The following CA12 variants were observed in gnomAD, a reference collection of about 807,000 sequenced individuals.
CA12 encodes carbonic anhydrase 12.
In CA12, 36 loss-of-function variants were observed where a neutral mutation model predicts 46.8. That is an observed-to-expected ratio of 0.77 (90% CI 0.59 to 1.02). The LOEUF (loss-of-function observed/expected upper bound fraction) is 1.02. CA12 is among the 50% of genes least tolerant of loss of function. CA12 has a pLI of 0.00. For missense variants in CA12, 436 were observed against 451.4 expected, an observed-to-expected ratio of 0.97 and a Z score of 0.31; for synonymous variants, 202 against 187.0, an observed-to-expected ratio of 1.08 and a Z score of -0.65.
In CA12 at chr15:63,324,314, C is replaced by G. The variant is rs1595771231; in HGVS notation, c.*1971G>C. ...TGCCAGGTACAATGGTCTCTCTGTTCTCTCACAAAACTCATCCACAAAAGA... is the reference window on the plus strand; with the variant it reads ...TGCCAGGTACAATGGTCTCTCTGTTGTCTCACAAAACTCATCCACAAAAGA... On this transcript the variant is annotated 3_prime_UTR_variant, in exon 11 of 11. Coordinates refer to ENST00000178638, the MANE Select transcript of CA12 (RefSeq NM_001218.5). 6.6e-6 allele frequency: 1 copy of G among 152,226 alleles called. No homozygotes were observed. Among genetic ancestry groups the G allele is most frequent in the Non-Finnish European group, 1.5e-5 (1 of 68,060 alleles). 9.4% of individuals were successfully genotyped at this position (152,226 alleles called of 1,614,324 possible). A position where few individuals can be genotyped will look rare whatever the true frequency, so the allele number is the denominator to read the frequency against.
intron 1 of CA12, 60 bp from the exon 2 acceptor site, chr15:63,375,738 C>A: frequency 7.6e-7 from 1 of 1,312,208 alleles, no homozygotes; most frequent in Non-Finnish European, 1.1e-6. Flanking sequence ...ATGGAAAACA[C>A]TACAGATTTT....
Position 63,381,703 on chromosome 15 carries a change from C to G in CA12, c.18G>C (p.Leu6=), listed in dbSNP as rs563633584. The stretch of plus-strand genomic sequence containing the variant: ...CCAGCAGGAGCACGGCCGCCGCGTG[C>G]AGGCTGCGCCGGGGCATCTTCGCGG... MPRRS[L]HAAAVLLLVI... is the part of the protein sequence containing the mutation. The change falls in exon 1 of 11, where the codon CTG becomes CTC. Residue 6 remains leucine, a synonymous_variant. Coordinates refer to ENST00000178638, the MANE Select transcript of CA12 (RefSeq NM_001218.5). The G allele has an allele frequency of 1.2e-5, 20 of 1,606,962 alleles. 1 individual carries two copies. In the South Asian group the frequency reaches 2.2e-4, roughly 18 times the overall value.
intron 8 of CA12, among the ~76,000 whole-genome samples, chr15:63,334,242 CTTTTTTTTTTTTT>C (rs71131163): frequency 6.2e-4 from 40 of 64,968 alleles, no homozygotes; most frequent in African/African-American, 2.5e-3. Flanking sequence ...GGAAGAGGCA[CTTTTTTTTTTTTT>C]TTTTTTTTTT....
At position 63,357,122 on chromosome 15, in the gene CA12, G is replaced by A. The variant is rs113366680; in HGVS notation, c.107-10413C>T. On this transcript the variant is annotated intron_variant, in intron 2 of 10. Coordinates refer to ENST00000178638, the MANE Select transcript of CA12 (RefSeq NM_001218.5). ...CACGGCACCCTTTATGGAACCAAAC[G>A]TATGGCAGATGCTCAATGAATACTC... Among the ~76,000 whole-genome samples the A allele has an allele frequency of 4.0e-3, 605 of 152,258 alleles. 6 individuals are homozygous for A. Among genetic ancestry groups the A allele is most frequent in the African/African-American group, 0.014 (576 of 41,538 alleles).
intron 2 of CA12, among the ~76,000 whole-genome samples, chr15:63,370,279 G>C (rs2039486052): frequency 6.6e-6 from 1 of 151,250 alleles, no homozygotes; most frequent in African/African-American, 2.4e-5. Flanking sequence ...TGGTAATGTA[G>C]CCTGTGTCTA....
chr15:63,334,100 G>A (rs547097917), intron 8 of CA12, among the ~76,000 whole-genome samples: 11 of 152,162 alleles, frequency 7.2e-5, no homozygotes, highest in South Asian at 4.2e-4. Flanking sequence ...TGCCTCTGCC[G>A]TCTTTCCCCT....
chr15:63,343,898 A>G (rs1432828582), intron 4 of CA12, among the ~76,000 whole-genome samples: 1 of 151,906 alleles, frequency 6.6e-6, no homozygotes, highest in Non-Finnish European at 1.5e-5. Context: ...TTCCTAAATA[A>G]GACGGCTACA....
rs965565995 is a variant in CA12, at chr15:63,323,567, G to A, written c.*2718C>T. On this transcript the variant is annotated 3_prime_UTR_variant, in exon 11 of 11. Transcript: ENST00000178638. This position sits in a 1 kb window ranked among gnomAD's most constrained non-coding sequence, Gnocchi z 5.1. ...ACATTTATAATTTCTTGTAGTTACA[G>A]TGTGTATCTTCATTATAATCATTCT... 6.6e-6 allele frequency: 1 copy of A among 152,204 alleles called. No homozygotes were observed. The highest frequency in any genetic ancestry group is 1.5e-5 in the Non-Finnish European group (1 of 67,994). 9.4% of individuals were successfully genotyped at this position (152,204 alleles called of 1,614,324 possible).
At position 63,324,986 on chromosome 15, in the gene CA12, G is replaced by T. The variant is rs1419496122; in HGVS notation, c.*1299C>A. ...CATGGCACTGACTCATCTCCACAGG[G>T]TTCTCACCTGCGGGAGGAAAATGGA... On this transcript the variant is annotated 3_prime_UTR_variant, in exon 11 of 11. Coordinates refer to ENST00000178638, the MANE Select transcript of CA12 (RefSeq NM_001218.5). 6.6e-6 allele frequency: 1 copy of T among 152,150 alleles called. No homozygotes were observed. Among genetic ancestry groups the T allele is most frequent in the East Asian group, 1.9e-4 (1 of 5,190 alleles). 9.4% of individuals were successfully genotyped at this position (152,150 alleles called of 1,614,324 possible).
chr15:63,337,339 A>G (rs959845469), intron 8 of CA12, among the ~76,000 whole-genome samples: 1 of 152,244 alleles, frequency 6.6e-6, no homozygotes, highest in Non-Finnish European at 1.5e-5. Flanking sequence ...ATGTTCAACT[A>G]AGTTTAGGAG....
rs1376910841 is a variant in CA12, at chr15:63,327,171, T to C, written c.970A>G (p.Ile324Val). 5.6e-6 allele frequency: 9 copies of C among 1,613,868 alleles called. No individual in the cohort carries two copies. Among genetic ancestry groups the C allele is most frequent in the African/African-American group, 1.3e-5 (1 of 74,900 alleles). Residue 324 changes from isoleucine to valine, a missense_variant, in exon 10 of 11, where the codon ATT (isoleucine) becomes GTT (valine). Transcript: ENST00000178638. This position sits in a 1 kb window ranked among gnomAD's most constrained non-coding sequence, Gnocchi z 4.5. ...LGICIVVVVS[I>V]WLFRRKSIKK... ...CACCTCTTCCTTCTGAAAAGCCAAA[T>C]GGACACCACCACCACAATACAGATG...
At chr15:63,359,117 C>A (rs1380178962) in intron 2 of CA12, among the ~76,000 whole-genome samples, 1 of 152,156 alleles carries the variant, frequency 6.6e-6, no homozygotes, top group Non-Finnish European at 1.5e-5. Context: ...TGTCCCCTCC[C>A]ATGGCTTCAA....
chr15:63,359,629 T>G (rs1408233812), intron 2 of CA12, among the ~76,000 whole-genome samples: 1 of 152,196 alleles, frequency 6.6e-6, no homozygotes, highest in African/African-American at 2.4e-5. Context: ...CTATATGCTA[T>G]ATGCTACAAG....
rs137987917 is a variant in CA12, at chr15:63,372,369, C to T, written c.106+3289G>A. Among the ~76,000 whole-genome samples, 24 of 152,300 alleles carry T rather than the reference C, an allele frequency of 1.6e-4. No individual in the cohort carries two copies. Among genetic ancestry groups the T allele is most frequent in the Admixed American group, 2.6e-4 (4 of 15,302 alleles). On this transcript the variant is annotated intron_variant, in intron 2 of 10. Coordinates refer to ENST00000178638, the MANE Select transcript of CA12 (RefSeq NM_001218.5). This position sits in a 1 kb window ranked among gnomAD's most constrained non-coding sequence, Gnocchi z 4.5. Reference sequence around the variant, plus strand: ...CCCTAGGAGGGGCTCAAAGAGGTGGCGCTGGCCCCATCTTGGCAGTCAGAT... The same window carrying T: ...CCCTAGGAGGGGCTCAAAGAGGTGGTGCTGGCCCCATCTTGGCAGTCAGAT...
chr15:63,333,319 G>C (rs1424957104), intron 8 of CA12, among the ~76,000 whole-genome samples: 1 of 152,236 alleles, frequency 6.6e-6, no homozygotes, highest in Non-Finnish European at 1.5e-5. Flanking sequence ...TGTCTTTCCT[G>C]AACATAGTCT....
rs538881109 is a variant in CA12, at chr15:63,377,029, C to G, written c.86-1351G>C. Among the ~76,000 whole-genome samples the G allele has an allele frequency of 5.3e-5, 8 of 152,178 alleles. No homozygotes were observed. In the South Asian group the frequency reaches 8.3e-4, roughly 16 times the overall value. ...TAGGAATGTGTAGGCAAAGTTCTGC[C>G]AGAAAGAGAACAAAAGTCACCCACT... is the stretch of plus-strand genomic sequence containing the variant. On this transcript the variant is annotated intron_variant, in intron 1 of 10. Transcript: ENST00000178638.
In CA12 at chr15:63,331,608, T is replaced by C. The variant is rs911796880; in HGVS notation, c.875-3478A>G. On this transcript the variant is annotated intron_variant, in intron 8 of 10. Coordinates refer to ENST00000178638, the MANE Select transcript of CA12 (RefSeq NM_001218.5). This position sits in a 1 kb window ranked among gnomAD's most constrained non-coding sequence, Gnocchi z 5.3. ...GGAGAGCCGCCTGTTCACAAAGTGC[T>C]CGGGTATGACTCAGGGCGAGCAGAG... 2.6e-5 allele frequency: 4 copies of C among 152,058 alleles called. No individual in the cohort carries two copies. The highest frequency in any genetic ancestry group is 5.9e-5 in the Non-Finnish European group (4 of 68,054). The allele number at this position is 152,058 out of a possible 1,614,324, so 9.4% of individuals were successfully genotyped here.
At chr15:63,366,644 T>G (rs2039438235) in intron 2 of CA12, among the ~76,000 whole-genome samples, 1 of 152,238 alleles carries the variant, frequency 6.6e-6, no homozygotes, top group African/African-American at 2.4e-5. Flanking sequence ...CTCAGGCAAG[T>G]TGAAAACTTT....
intron 4 of CA12, among the ~76,000 whole-genome samples, chr15:63,343,928 C>G (rs2039113775): frequency 6.6e-6 from 1 of 152,166 alleles, no homozygotes; most frequent in Non-Finnish European, 1.5e-5. Flanking sequence ...AAGCAACACA[C>G]CTCACATTTT....
Sources: gnomAD v4.1 joint callset for allele counts (sites outside exome capture counted in the v4.1 genomes callset) on GRCh38, gnomAD v4.1.1 for gene constraint, Gnocchi (gnomAD v3.1) non-coding constraint, MANE v1.5 for transcripts, NCBI Gene and HGNC (gene_info 2026-07-23, HGNC 2026-07-21) for gene names.